Variants in PLCH1 observed in about 807,000 individuals in gnomAD.
The protein encoded by PLCH1 is phospholipase C eta 1, also known as 1-phosphatidylinositol 4,5-bisphosphate phosphodiesterase eta-1.
In PLCH1, 60 loss-of-function variants were observed where a neutral mutation model predicts 126.7. That is an observed-to-expected ratio of 0.47 (90% confidence interval 0.38 to 0.59). PLCH1 has a LOEUF of 0.59. Among genes scored for constraint, PLCH1 ranks in the 20% least tolerant of loss-of-function variants. The pLI is 0.00. For missense variants in PLCH1, 1,723 were observed against 2,040.0 expected, an observed-to-expected ratio of 0.84 and a Z score of 2.99; for synonymous variants, 719 against 734.9, an observed-to-expected ratio of 0.98 and a Z score of 0.35.
chr3:155,724,528 A>G (rs560766211), intron 1 of PLCH1, among the ~76,000 whole-genome samples: 2 of 152,158 alleles, frequency 1.3e-5, no homozygotes, highest in South Asian at 2.1e-4. Flanking sequence ...CTGTTGCTTT[A>G]AAGTTTGTTT....
intron 22 of PLCH1, chr3:155,483,418 T>C (rs771214564): frequency 1.4e-6 from 2 of 1,463,538 alleles, no homozygotes; most frequent in Admixed American, 2.2e-5. Context: ...AAGACAGCTC[T>C]GTTAAACAAA....
chr3:155,601,178 C>T (rs1733688664), intron 2 of PLCH1, among the ~76,000 whole-genome samples: 1 of 152,150 alleles, frequency 6.6e-6, no homozygotes, highest in South Asian at 2.1e-4. Flanking sequence ...AGGGTTTCAC[C>T]GTGTTAGCCA....
At chr3:155,613,870 C>A (rs966108462) in intron 2 of PLCH1, among the ~76,000 whole-genome samples, 2 of 151,864 alleles carry the variant, frequency 1.3e-5, no homozygotes, top group African/African-American at 4.8e-5. Context: ...TGTCATTGTT[C>A]GCCAACGATA....
chr3:155,467,574 CAA>C (rs71302278), intron 21 of PLCH1, among the ~76,000 whole-genome samples: 2 of 132,014 alleles, frequency 1.5e-5, no homozygotes, highest in Non-Finnish European at 3.3e-5. Context: ...AACTCTGTCT[CAA>C]AAAAAAAAAA....
chr3:155,733,961 A>G (rs56022723), intron 1 of PLCH1, among the ~76,000 whole-genome samples: 17,723 of 102,640 alleles, frequency 0.17, 1,654 homozygotes, highest in African/African-American at 0.3. Context: ...ATATATATAT[A>G]TATATATATA....
intron 9 of PLCH1, among the ~76,000 whole-genome samples, chr3:155,551,705 A>G (rs1021924987): frequency 6.6e-6 from 1 of 150,532 alleles, no homozygotes; most frequent in African/African-American, 2.5e-5. Flanking sequence ...AAAAAAAAAA[A>G]AAATTATCAG....
intron 1 of PLCH1, among the ~76,000 whole-genome samples, chr3:155,738,343 T>C (rs908373816): frequency 5.3e-5 from 8 of 152,180 alleles, no homozygotes; most frequent in Non-Finnish European, 8.8e-5. Context: ...TGTGGTGCGC[T>C]ATTAAGAATG....
chr3:155,707,966 C>T (rs1438917915), intron 1 of PLCH1, among the ~76,000 whole-genome samples: 5 of 152,138 alleles, frequency 3.3e-5, no homozygotes, highest in Admixed American at 6.5e-5. Flanking sequence ...TCATGAAATG[C>T]CCCCAGGAAT....
intron 10 of PLCH1, among the ~76,000 whole-genome samples, chr3:155,537,115 C>T (rs751626058): frequency 9.9e-5 from 14 of 141,832 alleles, no homozygotes; most frequent in Admixed American, 2.2e-4. Context: ...TTCAGACACA[C>T]GCAATAATCC....
chr3:155,725,132 T>C (rs1748226534), intron 1 of PLCH1, among the ~76,000 whole-genome samples: 1 of 152,206 alleles, frequency 6.6e-6, no homozygotes, highest in South Asian at 2.1e-4. Flanking sequence ...ATAGGGTTTC[T>C]GCTGACAAAT....
chr3:155,724,936 G>C (rs747280618), intron 1 of PLCH1, among the ~76,000 whole-genome samples: 1 of 151,750 alleles, frequency 6.6e-6, no homozygotes, highest in Middle Eastern at 3.4e-3. Context: ...TCAAAATTTA[G>C]AGCTCCTTTT....
rs574042248 is a variant in PLCH1 at position 155,671,339 on chromosome 3, T to C, written c.79+32807A>G. On this transcript the variant is annotated intron_variant, in intron 2 of 22. Coordinates refer to ENST00000460012, the MANE Select transcript of PLCH1 (RefSeq NM_014996.4). Reference sequence around the variant, plus strand: ...ATGAATTTGATCCCAACATTTGCTATAGAAAACTATAGAATCTGTCCTTTT... The same window carrying C: ...ATGAATTTGATCCCAACATTTGCTACAGAAAACTATAGAATCTGTCCTTTT... 3.5e-4 allele frequency among the ~76,000 whole-genome samples: 54 copies of C among 152,322 alleles called. 1 individual carries two copies. The highest frequency in any genetic ancestry group is 1.3e-3 in the African/African-American group (54 of 41,562).
rs1745472945 is a variant in PLCH1 at position 155,692,552 on chromosome 3, GT to G, written c.79+11593del. Among the ~76,000 whole-genome samples, 13 of 122,254 alleles carry G rather than the reference GT, an allele frequency of 1.1e-4. No individual in the cohort carries two copies. The South Asian group carries it at 3.9e-3, about 36-fold the overall frequency. The allele number at this position is 122,254 out of a possible 152,430, so 80.2% of individuals were successfully genotyped here. A position where few individuals can be genotyped will look rare whatever the true frequency, so the allele number is the denominator to read the frequency against. ...GCTTGGGTTGAGTCCAACCATCATT[GT>G]TTTTGTTTTGTTTTGTTTTGTTTTA... is the stretch of plus-strand genomic sequence containing the variant. On this transcript the variant is annotated intron_variant, in intron 2 of 22. Transcript: ENST00000460012.
intron 21 of PLCH1, among the ~76,000 whole-genome samples, chr3:155,451,433 T>C (rs992403460): frequency 6.6e-6 from 1 of 152,210 alleles, no homozygotes; most frequent in Non-Finnish European, 1.5e-5. Context: ...ATGTGCCTCC[T>C]GATTTGATGT....
At chr3:155,467,261 A>T (rs7643640) in intron 21 of PLCH1, among the ~76,000 whole-genome samples, 41,233 of 151,862 alleles carry the variant, frequency 0.27, 6,082 homozygotes, top group East Asian at 0.42. Context: ...GACCAAAAAA[A>T]AAAAATAAAA....
intron 2 of PLCH1, among the ~76,000 whole-genome samples, chr3:155,701,185 C>A (rs1183005872): frequency 2.0e-5 from 3 of 152,100 alleles, no homozygotes; most frequent in Admixed American, 6.5e-5. Context: ...GATAAAAGGC[C>A]GGACATAAGC....
intron 1 of PLCH1, among the ~76,000 whole-genome samples, chr3:155,740,970 C>G (rs780494887): frequency 4.0e-4 from 61 of 152,302 alleles, no homozygotes; most frequent in Non-Finnish European, 7.8e-4. Context: ...AAATACATAG[C>G]TGGTAAGAAC....
At chr3:155,488,871 A>C (rs921439432) in intron 19 of PLCH1, 65 bp from the exon 20 acceptor site, 2 of 1,401,122 alleles carry the variant, frequency 1.4e-6, no homozygotes, top group East Asian at 4.7e-5. Context: ...AGTTGGCAGC[A>C]ACATCTGCAA....
chr3:155,662,109 C>T (rs1742228982), intron 2 of PLCH1, among the ~76,000 whole-genome samples: 1 of 152,110 alleles, frequency 6.6e-6, no homozygotes, highest in South Asian at 2.1e-4. Flanking sequence ...CTTTAACAAG[C>T]TCATGATGAG....
Sources: allele counts gnomAD v4.1 joint callset (sites outside exome capture counted in the v4.1 genomes callset), GRCh38; gene constraint gnomAD v4.1.1; transcripts MANE v1.5; gene names NCBI Gene and HGNC (gene_info 2026-07-23, HGNC 2026-07-21).